Variants in FBXO15 observed in about 807,000 individuals in gnomAD.
FBXO15 encodes the protein F-box protein 15.
In FBXO15, 30 loss-of-function variants were observed where a neutral mutation model predicts 49.5. The observed-to-expected ratio is 0.61, with a 90% confidence interval of 0.45 to 0.82. The LOEUF (loss-of-function observed/expected upper bound fraction) is 0.82, where lower values mean the gene tolerates loss of function less well. FBXO15 is among the 40% of genes least tolerant of loss of function. The pLI, the probability that FBXO15 is intolerant of heterozygous loss-of-function variation, is 0.00. For synonymous variants in FBXO15, 250 were observed against 232.7 expected (o/e 1.07, Z -0.68); for missense variants, 591 against 631.5 (o/e 0.94, Z 0.69).
At chr18:74,121,511 A>G (rs1343011549) in intron 8 of FBXO15, among the ~76,000 whole-genome samples, 1 of 152,232 alleles carries the variant, frequency 6.6e-6, no homozygotes, top group Non-Finnish European at 1.5e-5. Flanking sequence ...ATTCAACAAC[A>G]TAGATGTTAC....
At position 74,118,204 on chromosome 18, in the gene FBXO15, G is replaced by A. The variant is rs140559267; in HGVS notation, c.1138+5164C>T. Among the ~76,000 whole-genome samples, 10 of 152,066 alleles carry A rather than the reference G, an allele frequency of 6.6e-5. No homozygotes were observed. The East Asian group carries it at 1.6e-3, about 24-fold the overall frequency. ...TGTAGAGGCCGGGTTTCACCATGAT[G>A]CCCAGGCTGGTCTGGAACTTCTGGG... is the stretch of plus-strand genomic sequence containing the variant. On this transcript the variant is annotated intron_variant, in intron 8 of 9. Transcript: ENST00000419743.
chr18:74,098,063 G>C (rs553916757), intron 8 of FBXO15: 1 of 151,840 alleles, frequency 6.6e-6, no homozygotes, highest in African/African-American at 2.4e-5. Flanking sequence ...ACATCCCTAG[G>C]AAAACACAGA....
At position 74,144,086 on chromosome 18, in the gene FBXO15, A is replaced by G. The variant is rs141571874; in HGVS notation, c.116+3584T>C. 3.2e-3 allele frequency among the ~76,000 whole-genome samples: 484 copies of G among 152,394 alleles called. 2 individuals carry two copies. The highest frequency in any genetic ancestry group is 6.0e-3 in the Non-Finnish European group (406 of 68,044). ...AACAGTATAACTGAGAAAGCAGGTTATATCAGTATATACTACTAGGTTGGT... is the reference window on the plus strand; with the variant it reads ...AACAGTATAACTGAGAAAGCAGGTTGTATCAGTATATACTACTAGGTTGGT... On this transcript the variant is annotated intron_variant, in intron 1 of 9. Coordinates refer to ENST00000419743, the MANE Select transcript of FBXO15 (RefSeq NM_001142958.2).
intron 8 of FBXO15, among the ~76,000 whole-genome samples, chr18:74,088,913 G>A (rs1912877680): frequency 6.6e-6 from 1 of 152,010 alleles, no homozygotes; most frequent in South Asian, 2.1e-4. Flanking sequence ...TTATAAAATA[G>A]ATCTCATAGA....
chr18:74,145,272 T>C (rs139877553), intron 1 of FBXO15, among the ~76,000 whole-genome samples: 490 of 152,386 alleles, frequency 3.2e-3, no homozygotes, highest in Non-Finnish European at 5.5e-3. Flanking sequence ...TTAATTGGAA[T>C]ATGAAGGCTA....
chr18:74,124,690 A>T (rs531531256), intron 6 of FBXO15, 119 bp from the exon 7 acceptor site: 1 of 803,978 alleles, frequency 1.2e-6, no homozygotes, highest in South Asian at 1.5e-5. Context: ...TTACAAACAT[A>T]AGATCACCAC....
At chr18:74,088,398 C>A (rs138761066) in intron 8 of FBXO15, among the ~76,000 whole-genome samples, 17 of 152,248 alleles carry the variant, frequency 1.1e-4, no homozygotes, top group South Asian at 4.1e-4. Context: ...AGGAATTGGT[C>A]CAGCTTCAAT....
chr18:74,077,817 C>T (rs1257554328), intron 9 of FBXO15, among the ~76,000 whole-genome samples: 1 of 152,154 alleles, frequency 6.6e-6, no homozygotes, highest in Non-Finnish European at 1.5e-5. Flanking sequence ...GTCTAAGCAC[C>T]TCTGAGATAA....
chr18:74,099,582 A>G (rs1400524580), intron 8 of FBXO15: 1 of 152,220 alleles, frequency 6.6e-6, no homozygotes, highest in Non-Finnish European at 1.5e-5. Flanking sequence ...CAATACTAAC[A>G]TTGAATGTGG....
chr18:74,106,711 A>G (rs1371256722), intron 8 of FBXO15, among the ~76,000 whole-genome samples: 1 of 152,206 alleles, frequency 6.6e-6, no homozygotes, highest in East Asian at 1.9e-4. Context: ...TTTTTAAAAT[A>G]GTCAATCTAA....
At chr18:74,140,131 G>A (rs907567475) in intron 2 of FBXO15, 71 bp downstream of exon 2, 5 of 1,284,826 alleles carry the variant, frequency 3.9e-6, no homozygotes, top group Non-Finnish European at 5.4e-6. Context: ...GGTATATACA[G>A]CATCATAACT....
At chr18:74,079,834 A>G (rs532152559) in intron 9 of FBXO15, among the ~76,000 whole-genome samples, 1 of 152,324 alleles carries the variant, frequency 6.6e-6, no homozygotes, top group South Asian at 2.1e-4. Context: ...TCCCAAGGAC[A>G]TCAGATGTCC....
At chr18:74,087,850 T>G (rs1233724321) in intron 8 of FBXO15, among the ~76,000 whole-genome samples, 1 of 152,202 alleles carries the variant, frequency 6.6e-6, no homozygotes, top group Non-Finnish European at 1.5e-5. Context: ...AAGTGTTCCC[T>G]TTTCTCCACA....
At chr18:74,081,467 CTTTA>C (rs1325096169) in intron 9 of FBXO15, among the ~76,000 whole-genome samples, 1 of 152,316 alleles carries the variant, frequency 6.6e-6, no homozygotes, top group Non-Finnish European at 1.5e-5. Context: ...TGTGGCTAAT[CTTTA>C]TTTAACAGTT....
intron 9 of FBXO15, 25 bp downstream of exon 9, chr18:74,081,902 G>A: frequency 6.5e-7 from 1 of 1,533,814 alleles, no homozygotes; most frequent in Non-Finnish European, 8.7e-7. Context: ...GTTACTTGAA[G>A]AAAAGAAAAC....
intron 8 of FBXO15, among the ~76,000 whole-genome samples, chr18:74,085,198 C>T (rs527595504): frequency 1.3e-5 from 2 of 150,806 alleles, no homozygotes; most frequent in East Asian, 2.0e-4. Flanking sequence ...TATGAAAATG[C>T]TATGGACCTA....
chr18:74,089,158 A>G (rs1190988553), intron 8 of FBXO15, among the ~76,000 whole-genome samples: 1 of 151,982 alleles, frequency 6.6e-6, no homozygotes, highest in Non-Finnish European at 1.5e-5. Flanking sequence ...GACAGGCCCC[A>G]GTGTGCGTTG....
chr18:74,075,997 C>T lies in FBXO15; in HGVS notation c.1264-2267G>A, dbSNP rs778019340. ...CGTACTCAACTTCTGGATCTTTCAA[C>T]GGTCCCTCAAGTCCAGCAGGACTAT... On this transcript the variant is annotated intron_variant, in intron 9 of 9. Transcript: ENST00000419743. The surrounding 1 kb of genome is among the most constrained non-coding windows in gnomAD (Gnocchi z 4.1). Among the ~76,000 whole-genome samples, 14 of 152,170 alleles carry T rather than the reference C, an allele frequency of 9.2e-5. No homozygotes were observed. Among genetic ancestry groups the T allele is most frequent in the Non-Finnish European group, 1.6e-4 (11 of 68,028 alleles).
At chr18:74,112,932 T>A (rs1284336497) in intron 8 of FBXO15, among the ~76,000 whole-genome samples, 4 of 152,232 alleles carry the variant, frequency 2.6e-5, no homozygotes, top group Non-Finnish European at 5.9e-5. Flanking sequence ...TCGTACCACA[T>A]GATCCAGCAA....
Sources: allele counts gnomAD v4.1 joint callset (sites outside exome capture counted in the v4.1 genomes callset), GRCh38; gene constraint gnomAD v4.1.1; non-coding constraint Gnocchi (gnomAD v3.1); transcripts MANE v1.5; gene names NCBI Gene and HGNC (gene_info 2026-07-23, HGNC 2026-07-21).